Variants in KLHL7 observed in about 807,000 individuals in gnomAD.
KLHL7 encodes kelch-like protein 7.
Under a neutral mutation model 67.4 loss-of-function variants are expected in KLHL7, and 44 were observed. That is an observed-to-expected ratio of 0.65 (90% CI 0.51 to 0.84). The LOEUF (loss-of-function observed/expected upper bound fraction) is 0.84, where lower values mean the gene tolerates loss of function less well. KLHL7 is among the 40% of genes least tolerant of loss of function. The pLI, the probability that KLHL7 is intolerant of heterozygous loss-of-function variation, is 0.00. For synonymous variants in KLHL7, 252 were observed against 243.3 expected (o/e 1.04, Z -0.33); for missense variants, 362 against 718.1 (o/e 0.50, Z 5.67).
chr7:23,116,819 G>T lies in KLHL7; in HGVS notation c.121-6958G>T, dbSNP rs185412494. ...ATGTGATCTAGTACTCTCCCTTACA[G>T]TCTTAATTCCACAAACTTCTCAGTT... On this transcript the variant is annotated intron_variant, in intron 1 of 10. Coordinates refer to ENST00000339077, the MANE Select transcript of KLHL7 (RefSeq NM_001031710.3). 1.5e-4 allele frequency among the ~76,000 whole-genome samples: 23 copies of T among 152,230 alleles called. 1 individual carries two copies. The East Asian group carries it at 4.4e-3, about 29-fold the overall frequency.
chr7:23,126,531 C>G (rs1159918657), intron 4 of KLHL7, among the ~76,000 whole-genome samples: 1 of 151,992 alleles, frequency 6.6e-6, no homozygotes, highest in East Asian at 1.9e-4. Flanking sequence ...ATATTTGACC[C>G]AGGAGAAAAG....
At chr7:23,117,510 T>C (rs559898660) in intron 1 of KLHL7, among the ~76,000 whole-genome samples, 1 of 152,336 alleles carries the variant, frequency 6.6e-6, no homozygotes, top group Admixed American at 6.5e-5. Context: ...TATGCCCAAG[T>C]CTCCTTTCCT....
chr7:23,166,703 AT>A (rs1477169975), intron 8 of KLHL7, among the ~76,000 whole-genome samples: 1 of 152,184 alleles, frequency 6.6e-6, no homozygotes, highest in Non-Finnish European at 1.5e-5. Flanking sequence ...AAATGTAACC[AT>A]TTCCTCTCTT....
rs768911982 is a variant in KLHL7, at chr7:23,124,845, T to C, written c.317+64T>C. 2.5e-6 allele frequency: 3 copies of C among 1,223,464 alleles called. No homozygotes were observed. In the Admixed American group the frequency reaches 5.2e-5, roughly 21 times the overall value. 75.8% of individuals were successfully genotyped at this position (1,223,464 alleles called of 1,614,324 possible). A position where few individuals can be genotyped will look rare whatever the true frequency, so the allele number is the denominator to read the frequency against. ...TGGTATCTACCATGGCAAAGCATTG[T>C]CGTAACAAATAGTTGCACTACAAAT... On this transcript the variant is annotated intron_variant, in intron 3 of 10. Transcript: ENST00000339077.
chr7:23,138,512 C>T (rs1031436658), intron 4 of KLHL7, among the ~76,000 whole-genome samples: 1 of 146,742 alleles, frequency 6.8e-6, no homozygotes, highest in Non-Finnish European at 1.5e-5. Flanking sequence ...AGCCAGTAAC[C>T]TCAGAAACAA....
intron 1 of KLHL7, among the ~76,000 whole-genome samples, chr7:23,123,343 A>G (rs996150118): frequency 2.6e-5 from 4 of 152,220 alleles, no homozygotes; most frequent in Non-Finnish European, 5.9e-5. Context: ...AATTTCATCA[A>G]GGATAAATAA....
intron 4 of KLHL7, chr7:23,129,352 C>A (rs1783707883): frequency 1.4e-5 from 5 of 363,010 alleles, no homozygotes; most frequent in Non-Finnish European, 2.2e-5. Flanking sequence ...TTAGCCAAGG[C>A]TTTTCTTGAC....
rs1161710933 is a variant in KLHL7, at chr7:23,123,484, GAAAA to G, written c.121-279_121-276del. ...GAGAAATGTCCTAGAATCTGTGTCA[GAAAA>G]AAAAAAAAAAAAAGACTTCTCTGAA... On this transcript the variant is annotated intron_variant, in intron 1 of 10. Transcript: ENST00000339077. 6.2e-5 allele frequency among the ~76,000 whole-genome samples: 6 copies of G among 96,490 alleles called. No homozygotes were observed. In the Admixed American group the frequency reaches 6.9e-4, roughly 11 times the overall value. The allele number at this position is 96,490 out of a possible 152,430, so 63.3% of individuals were successfully genotyped here. A position where few individuals can be genotyped will look rare whatever the true frequency, so the allele number is the denominator to read the frequency against.
Position 23,140,944 on chromosome 7 carries a change from G to A in KLHL7, c.618G>A (p.Gln206=), listed in dbSNP as rs373986044. 2.5e-6 allele frequency: 4 copies of A among 1,613,276 alleles called. No individual in the cohort carries two copies. In the African/African-American group the frequency reaches 5.3e-5, roughly 22 times the overall value. The change falls in exon 5 of 11, where the codon CAG becomes CAA. Residue 206 remains glutamine (Q), a splice_region_variant and synonymous_variant. Transcript: ENST00000339077. ...QDTLTVRAED[Q]VYDAAVRWLK... ...CTCTGACTGTGAGAGCAGAGGATCA[G>A]GTGACTAAATTGCCTTCTCACATTT...
chr7:23,126,428 C>T (rs576442879), intron 4 of KLHL7, among the ~76,000 whole-genome samples: 9 of 152,122 alleles, frequency 5.9e-5, no homozygotes, highest in Admixed American at 2.0e-4. Context: ...AAGGGAAGAG[C>T]GCTGGTATAG....
rs1338340521 is a variant in KLHL7 at position 23,176,293 on chromosome 7, A to G, written c.*1995A>G. ...TCTCCCCTAGCTTCTGGTGGTTGCC[A>G]GCAATCCTCAGCATTCTTTGGCTTG... On this transcript the variant is annotated 3_prime_UTR_variant, in exon 11 of 11. Coordinates refer to ENST00000339077, the MANE Select transcript of KLHL7 (RefSeq NM_001031710.3). 1 of 152,342 alleles carries G rather than the reference A, an allele frequency of 6.6e-6. No individual in the cohort carries two copies. The highest frequency in any genetic ancestry group is 2.4e-5 in the African/African-American group (1 of 41,462). The allele number at this position is 152,342 out of a possible 1,614,324, so 9.4% of individuals were successfully genotyped here. A position where few individuals can be genotyped will look rare whatever the true frequency, so the allele number is the denominator to read the frequency against.
At position 23,168,036 on chromosome 7, in the gene KLHL7, A is replaced by G. The variant is rs761755398; in HGVS notation, c.1378A>G (p.Thr460Ala). Residue 460 changes from threonine (T) to alanine (A), a missense_variant and splice_region_variant, in exon 9 of 11, where the codon ACA becomes GCA. This residue lies in a region of KLHL7 where 136 missense variants were observed against 252.7 expected (regional missense o/e 0.54). Transcript: ENST00000339077. ...SCEVYDPATE[T>A]WTELCPMIEA... ...TGAAGTTTATGATCCTGCCACAGAA[A>G]CGTATGTATCTATTTAAAATTTATT... is the stretch of plus-strand genomic sequence containing the variant. 6.4e-5 allele frequency: 104 copies of G among 1,612,876 alleles called. No homozygotes were observed. The East Asian group carries it at 2.3e-3, about 36-fold the overall frequency.
At chr7:23,144,188 G>A (rs1191271885) in intron 6 of KLHL7, among the ~76,000 whole-genome samples, 163 bp downstream of exon 6, 1 of 152,206 alleles carries the variant, frequency 6.6e-6, no homozygotes, top group Non-Finnish European at 1.5e-5. Flanking sequence ...ACACCTGGAA[G>A]GGACTTGGCC....
At chr7:23,125,214 A>C in intron 4 of KLHL7, 42 bp downstream of exon 4, 1 of 1,595,250 alleles carries the variant, frequency 6.3e-7, no homozygotes, top group Non-Finnish European at 8.6e-7. Context: ...ATTTTGTTTT[A>C]TCCTTTATTT....
At chr7:23,169,423 T>C (rs1785092406) in intron 9 of KLHL7, among the ~76,000 whole-genome samples, 1 of 152,218 alleles carries the variant, frequency 6.6e-6, no homozygotes, top group African/African-American at 2.4e-5. Context: ...GAAATTTGTC[T>C]TTTGCTAAAG....
At chr7:23,171,154 C>T in intron 9 of KLHL7, 1 of 355,450 alleles carries the variant, frequency 2.8e-6, no homozygotes, top group South Asian at 2.1e-5. Flanking sequence ...ATCTGCCCAC[C>T]TTGGCCTCCC....
In KLHL7 at chr7:23,145,870, A is replaced by G. The variant is rs1355642777; in HGVS notation, c.793+1845A>G. Among the ~76,000 whole-genome samples the G allele has an allele frequency of 2.6e-5, 4 of 152,172 alleles. No homozygotes were observed. The East Asian group carries it at 7.7e-4, about 29-fold the overall frequency. ...CTCAGCCTCCCAAGTAGCTGGGACT[A>G]CAGGCACACACCACTATGCCCAGCT... is the stretch of plus-strand genomic sequence containing the variant. On this transcript the variant is annotated intron_variant, in intron 6 of 10. Coordinates refer to ENST00000339077, the MANE Select transcript of KLHL7 (RefSeq NM_001031710.3).
intron 4 of KLHL7, among the ~76,000 whole-genome samples, chr7:23,126,206 A>C (rs960437066): frequency 3.3e-5 from 5 of 152,198 alleles, no homozygotes; most frequent in Non-Finnish European, 7.3e-5. Context: ...ATGCTGGTCA[A>C]AGGGATGATT....
At chr7:23,144,130 C>T in intron 6 of KLHL7, 105 bp downstream of exon 6, 1 of 985,778 alleles carries the variant, frequency 1.0e-6, no homozygotes, top group South Asian at 1.4e-5. Context: ...GAGAAACATT[C>T]AAGATTTTGC....
Sources: gnomAD v4.1 joint callset for allele counts (sites outside exome capture counted in the v4.1 genomes callset) on GRCh38, gnomAD v4.1.1 for gene constraint, gnomAD v4.1.1 regional missense constraint, MANE v1.5 for transcripts, NCBI Gene and HGNC (gene_info 2026-07-23, HGNC 2026-07-21) for gene names.